Variants in CLVS1 observed in about 807,000 individuals in gnomAD.
CLVS1 encodes the protein clavesin-1.
CLVS1 carries 10 observed loss-of-function variants against 33.1 expected under a neutral mutation model. The ratio of observed to expected loss-of-function variants is 0.30; its 90% CI spans 0.19 to 0.51. CLVS1 has a LOEUF of 0.51. Ranked by LOEUF, CLVS1 falls within the 20% of genes least tolerant of loss-of-function variation. The pLI, the probability that CLVS1 is intolerant of heterozygous loss-of-function variation, is 0.97. For missense variants in CLVS1, 343 were observed against 433.4 expected, an observed-to-expected ratio of 0.79 and a Z score of 1.85; for synonymous variants, 163 against 166.1, an observed-to-expected ratio of 0.98 and a Z score of 0.14.
rs1211716332 is a variant in CLVS1 at position 61,475,749 on chromosome 8, C to G, written c.977+17207C>G. ...ACTTTTCTCCCATTCTGTAGGTTGC[C>G]TGTTCACTCTGATGGTAGTTTCTTT... is the stretch of plus-strand genomic sequence containing the variant. On this transcript the variant is annotated intron_variant, in intron 5 of 5. Coordinates refer to ENST00000325897, the MANE Select transcript of CLVS1 (RefSeq NM_173519.3). Among the ~76,000 whole-genome samples the G allele has an allele frequency of 7.2e-5, 11 of 152,152 alleles. 1 individual carries two copies. Among genetic ancestry groups the G allele is most frequent in the Admixed American group, 5.9e-4 (9 of 15,280 alleles).
chr8:61,033,316 G>T, the CLVS1 span, among the ~76,000 whole-genome samples: 3 of 117,246 alleles, frequency 2.6e-5, 1 homozygote, highest in Admixed American at 2.3e-4. Flanking sequence ...GTTCTGGCCT[G>T]GTGTCTTTCC....
At chr8:61,300,783 C>T (rs2129594692) in intron 2 of CLVS1, 1 of 152,722 alleles carries the variant, frequency 6.5e-6, no homozygotes, top group Admixed American at 6.5e-5. Flanking sequence ...AAAACTTGAC[C>T]TATCCCAAAC....
intron 1 of CLVS1, among the ~76,000 whole-genome samples, chr8:61,122,834 G>A (rs1460212522): frequency 1.9e-5 from 2 of 103,460 alleles, no homozygotes; most frequent in African/African-American, 6.5e-5. Context: ...TGCTGAAAAA[G>A]GACACTCAAC....
intron 2 of CLVS1, among the ~76,000 whole-genome samples, chr8:61,132,780 G>A (rs112815204): frequency 4.9e-4 from 74 of 152,310 alleles, no homozygotes; most frequent in African/African-American, 1.8e-3. Context: ...CAGTGTCGCT[G>A]CTGGGACACA....
At chr8:61,132,747 G>A (rs1468126397) in intron 2 of CLVS1, among the ~76,000 whole-genome samples, 1 of 152,220 alleles carries the variant, frequency 6.6e-6, no homozygotes, top group Non-Finnish European at 1.5e-5. Flanking sequence ...GAGCTGCAGA[G>A]TGATGAAGTG....
chr8:61,399,330 T>C (rs1342472323), intron 3 of CLVS1, among the ~76,000 whole-genome samples: 1 of 152,090 alleles, frequency 6.6e-6, no homozygotes, highest in Non-Finnish European at 1.5e-5. Context: ...GCCACATGTA[T>C]GTCTTCTTTT....
chr8:61,411,035 G>A (rs1815202689), intron 3 of CLVS1, among the ~76,000 whole-genome samples: 1 of 152,174 alleles, frequency 6.6e-6, no homozygotes, highest in African/African-American at 2.4e-5. Flanking sequence ...ATGGACAAAT[G>A]CAGTGCTTTT....
chr8:61,430,804 T>C (rs1816084041), intron 3 of CLVS1, among the ~76,000 whole-genome samples: 2 of 152,194 alleles, frequency 1.3e-5, no homozygotes, highest in South Asian at 4.1e-4. Flanking sequence ...TTGCAGGATC[T>C]CAGATCAAGG....
chr8:61,436,273 A>C (rs1002917958), intron 3 of CLVS1, among the ~76,000 whole-genome samples: 1 of 152,148 alleles, frequency 6.6e-6, no homozygotes, highest in Admixed American at 6.5e-5. Flanking sequence ...CAAAACAAGA[A>C]CCACTTCTCT....
intron 2 of CLVS1, among the ~76,000 whole-genome samples, chr8:61,174,221 A>G (rs1422516481): frequency 6.6e-6 from 1 of 152,216 alleles, no homozygotes; most frequent in Non-Finnish European, 1.5e-5. Context: ...AAAAGCAGGA[A>G]AATACAACCT....
At chr8:61,141,532 TTCTC>T (rs1806308344) in intron 2 of CLVS1, among the ~76,000 whole-genome samples, 1 of 152,306 alleles carries the variant, frequency 6.6e-6, no homozygotes, top group South Asian at 2.1e-4. Context: ...TGAACATTAA[TTCTC>T]TCTCTCTTTC....
chr8:61,376,920 C>T, intron 3 of CLVS1, 141 bp downstream of exon 3: 1 of 694,550 alleles, frequency 1.4e-6, no homozygotes, highest in Non-Finnish European at 2.2e-6. Flanking sequence ...CATGTTTTTG[C>T]CTCAGCCAGA....
At chr8:61,177,327 G>A (rs1356830428) in intron 2 of CLVS1, among the ~76,000 whole-genome samples, 3 of 152,178 alleles carry the variant, frequency 2.0e-5, no homozygotes, top group South Asian at 2.1e-4. Flanking sequence ...TCAGAACTCT[G>A]ATCTCACTGG....
At chr8:61,390,050 A>T (rs1814241612) in intron 3 of CLVS1, among the ~76,000 whole-genome samples, 1 of 152,298 alleles carries the variant, frequency 6.6e-6, no homozygotes, top group South Asian at 2.1e-4. Context: ...TGAAATCCAT[A>T]ATATTGTCTA....
Position 61,335,510 on chromosome 8 carries a change from C to G in CLVS1, c.455+35228C>G, listed in dbSNP as rs141231325. Among the ~76,000 whole-genome samples, 29 of 152,284 alleles carry G rather than the reference C, an allele frequency of 1.9e-4. No homozygotes were observed. The East Asian group carries it at 5.4e-3, about 28-fold the overall frequency. On this transcript the variant is annotated intron_variant, in intron 2 of 5. Coordinates refer to ENST00000325897, the MANE Select transcript of CLVS1 (RefSeq NM_173519.3). ...ACCGAAGATCATCAAAACCAAGGTG[C>G]TCTGTAAGCATTGTGTACCCAAGCT...
chr8:61,445,519 G>A (rs534525783), intron 3 of CLVS1, among the ~76,000 whole-genome samples: 2 of 152,246 alleles, frequency 1.3e-5, no homozygotes, highest in East Asian at 3.9e-4. Flanking sequence ...TCAGCCATGA[G>A]TGGAAGCTCC....
At chr8:61,001,853 C>A in the CLVS1 span, among the ~76,000 whole-genome samples, 1 of 152,242 alleles carries the variant, frequency 6.6e-6, no homozygotes, top group African/African-American at 2.4e-5. Flanking sequence ...CTATTGAAAT[C>A]CCACCATTCC....
At chr8:61,376,341 G>T (rs2129601542) in intron 2 of CLVS1, among the ~76,000 whole-genome samples, 1 of 152,332 alleles carries the variant, frequency 6.6e-6, no homozygotes, top group Non-Finnish European at 1.5e-5. Context: ...AGCAGAGTAT[G>T]GAAAGCCACA....
chr8:61,043,688 C>G, the CLVS1 span, among the ~76,000 whole-genome samples: 1 of 152,188 alleles, frequency 6.6e-6, no homozygotes, highest in Admixed American at 6.5e-5. Flanking sequence ...TGATTCTGCT[C>G]TCTGTCACAA....
Sources: allele counts gnomAD v4.1 joint callset (sites outside exome capture counted in the v4.1 genomes callset), GRCh38; gene constraint gnomAD v4.1.1; transcripts MANE v1.5; gene names NCBI Gene and HGNC (gene_info 2026-07-23, HGNC 2026-07-21).